TPD52: variants seen among roughly 807,000 people sequenced by gnomAD.
TPD52 encodes the protein prostate and colon associated protein.
In TPD52, 17 loss-of-function variants were observed where a neutral mutation model predicts 31.3. The ratio of observed to expected loss-of-function variants is 0.54; its 90% CI spans 0.37 to 0.82. The LOEUF (loss-of-function observed/expected upper bound fraction) is 0.82, where lower values mean the gene tolerates loss of function less well. Among genes scored for constraint, TPD52 ranks in the 40% least tolerant of loss-of-function variants. TPD52 has a pLI of 0.00. For missense variants in TPD52, 212 were observed against 240.1 expected (o/e 0.88, Z 0.77); for synonymous variants, 83 against 89.6 (o/e 0.93, Z 0.42).
At chr8:80,171,281 G>A (rs1004541972) in intron 1 of TPD52, 144 bp downstream of exon 1, 1 of 1,065,216 alleles carries the variant, frequency 9.4e-7, no homozygotes, top group East Asian at 2.6e-5. Context: ...ATCCGGATCC[G>A]GGAGATGCAA....
At chr8:80,033,850 A>G (rs1320720950), downstream of TPD52, among the ~76,000 whole-genome samples, 1 of 152,134 alleles carries the variant, frequency 6.6e-6, no homozygotes, top group Non-Finnish European at 1.5e-5. Flanking sequence ...GGGCCTGGAA[A>G]AAACACCATC....
intron 5 of TPD52, among the ~76,000 whole-genome samples, chr8:80,049,901 A>G (rs147802367): frequency 4.1e-4 from 62 of 152,322 alleles, no homozygotes; most frequent in African/African-American, 1.4e-3. Flanking sequence ...ATAAGCTAGT[A>G]AAACAAGTAT....
At chr8:80,140,234 AAGG>A (rs1809734626) in intron 1 of TPD52, among the ~76,000 whole-genome samples, 1 of 152,160 alleles carries the variant, frequency 6.6e-6, no homozygotes, top group Admixed American at 6.5e-5. Context: ...CCTCACTGGC[AAGG>A]AGACCTACCT....
chr8:80,143,171 A>C (rs892298030), intron 1 of TPD52, among the ~76,000 whole-genome samples: 4 of 151,658 alleles, frequency 2.6e-5, no homozygotes, highest in Admixed American at 2.0e-4. Context: ...AACTGCTGAA[A>C]AGATGAAATA....
chr8:80,154,754 A>C (rs1293992332), intron 1 of TPD52, among the ~76,000 whole-genome samples: 1 of 148,232 alleles, frequency 6.7e-6, no homozygotes, highest in East Asian at 2.0e-4. Flanking sequence ...CACACACACA[A>C]AACACCTACA....
At chr8:80,139,636 G>A (rs1809684425) in intron 1 of TPD52, among the ~76,000 whole-genome samples, 1 of 151,416 alleles carries the variant, frequency 6.6e-6, no homozygotes, top group South Asian at 2.1e-4. Context: ...TAAACGGGGG[G>A]TGGGGGTGAG....
intron 1 of TPD52, among the ~76,000 whole-genome samples, chr8:80,155,883 C>CA (rs550864240): frequency 0.075 from 7,414 of 99,316 alleles, 587 homozygotes; most frequent in African/African-American, 0.23. Flanking sequence ...AACTTCATCT[C>CA]AAAAAAAAAA....
intron 1 of TPD52, among the ~76,000 whole-genome samples, chr8:80,157,126 T>A (rs1811027584): frequency 6.6e-6 from 1 of 152,192 alleles, no homozygotes; most frequent in South Asian, 2.1e-4. Flanking sequence ...CAGACTTCAC[T>A]ACTTTTCAAA....
chr8:80,033,606 G>A (rs1191375733), downstream of TPD52, among the ~76,000 whole-genome samples: 1 of 152,196 alleles, frequency 6.6e-6, no homozygotes, highest in Non-Finnish European at 1.5e-5. Flanking sequence ...CCAGGAACAT[G>A]TTACAGTTCC....
intron 1 of TPD52, among the ~76,000 whole-genome samples, chr8:80,068,600 T>G (rs1563593263): frequency 6.6e-6 from 1 of 152,200 alleles, no homozygotes; most frequent in Non-Finnish European, 1.5e-5. Context: ...TTCAGTTCCA[T>G]CCATAGGATC....
chr8:80,033,784 G>A (rs930125357), downstream of TPD52, among the ~76,000 whole-genome samples: 2 of 152,184 alleles, frequency 1.3e-5, no homozygotes, highest in African/African-American at 4.8e-5. Context: ...TTGTCCTGAT[G>A]AGTGTTGAGT....
At chr8:80,102,000 G>A (rs911203386) in intron 1 of TPD52, among the ~76,000 whole-genome samples, 2 of 152,220 alleles carry the variant, frequency 1.3e-5, no homozygotes, top group Non-Finnish European at 2.9e-5. Flanking sequence ...CTAAGCCTGT[G>A]TGCACACACT....
intron 1 of TPD52, among the ~76,000 whole-genome samples, chr8:80,104,457 A>AAC (rs10664013): frequency 0.64 from 96,791 of 151,234 alleles, 32,344 homozygotes; most frequent in African/African-American, 0.84. Flanking sequence ...ACATCTCAGA[A>AAC]AGTGGGAAGG....
chr8:80,112,130 T>G (rs1169549408), intron 1 of TPD52, among the ~76,000 whole-genome samples: 1 of 152,234 alleles, frequency 6.6e-6, no homozygotes, highest in Non-Finnish European at 1.5e-5. Context: ...CTGTTGAATT[T>G]GAAGATTACT....
At chr8:80,076,434 AT>A in intron 1 of TPD52, among the ~76,000 whole-genome samples, 1 of 152,190 alleles carries the variant, frequency 6.6e-6, no homozygotes, top group African/African-American at 2.4e-5. Flanking sequence ...CTTGTCACTT[AT>A]AAGTGGGGGC....
intron 1 of TPD52, among the ~76,000 whole-genome samples, chr8:80,169,876 T>C (rs4740124): frequency 0.16 from 23,870 of 151,988 alleles, 3,105 homozygotes; most frequent in African/African-American, 0.36. Context: ...CATCATGTTA[T>C]CCCACTCAGG....
intron 1 of TPD52, among the ~76,000 whole-genome samples, chr8:80,077,281 A>G (rs1472484633): frequency 2.6e-5 from 4 of 151,998 alleles, no homozygotes; most frequent in Non-Finnish European, 4.4e-5. Context: ...TCTCAAAAAA[A>G]AAAAAAAAAA....
intron 1 of TPD52, among the ~76,000 whole-genome samples, chr8:80,081,928 C>A (rs1318939478): frequency 1.3e-5 from 2 of 152,150 alleles, no homozygotes; most frequent in South Asian, 2.1e-4. Context: ...CTCAGCCTCC[C>A]AAGTAGCTGG....
intron 1 of TPD52, among the ~76,000 whole-genome samples, chr8:80,154,851 A>C (rs1810841988): frequency 6.6e-6 from 1 of 152,086 alleles, no homozygotes; most frequent in South Asian, 2.1e-4. Flanking sequence ...ATTCCTGCAG[A>C]ACAAAATGTT....
Sources: allele counts gnomAD v4.1 joint callset (sites outside exome capture counted in the v4.1 genomes callset), GRCh38; gene constraint gnomAD v4.1.1; transcripts MANE v1.5; gene names NCBI Gene and HGNC (gene_info 2026-07-23, HGNC 2026-07-21).